Variants in ULK4 observed in about 807,000 individuals in gnomAD.
The protein encoded by ULK4 is inactive serine/threonine-protein kinase ULK4.
A neutral mutation model predicts 160.6 loss-of-function variants in ULK4; 133 were observed. The observed-to-expected ratio is 0.83, with a 90% CI of 0.72 to 0.96. The LOEUF (loss-of-function observed/expected upper bound fraction) is 0.96, where lower values mean the gene tolerates loss of function less well. Ranked by LOEUF, ULK4 falls within the 40% of genes least tolerant of loss-of-function variation. ULK4 has a pLI of 0.00. For synonymous variants in ULK4, 534 were observed against 539.8 expected (o/e 0.99, Z 0.15); for missense variants, 1,580 against 1,499.5 (o/e 1.05, Z -0.89).
intron 17 of ULK4, among the ~76,000 whole-genome samples, chr3:41,864,256 TATGTTCTCCCTCCCCCAGTGCCCAGAG>T (rs2042567450): frequency 6.6e-6 from 1 of 152,130 alleles, no homozygotes; most frequent in East Asian, 1.9e-4. Context: ...TCACAATTGC[TATGTTCTCCCTCCCCCAGTGCCCAGAG>T]ATGTTCTCCA....
At chr3:41,518,693 T>A (rs549215228) in intron 32 of ULK4, among the ~76,000 whole-genome samples, 95 of 152,288 alleles carry the variant, frequency 6.2e-4, no homozygotes, top group Non-Finnish European at 1.1e-3. Context: ...AGAGAAGGCG[T>A]TAGAGATACT....
intron 35 of ULK4, among the ~76,000 whole-genome samples, chr3:41,380,906 G>A (rs368254655): frequency 6.6e-6 from 1 of 152,066 alleles, no homozygotes; most frequent in Non-Finnish European, 1.5e-5. Flanking sequence ...CTTTTCCCGC[G>A]TGATATGCTC....
chr3:41,681,589 T>C lies in ULK4; in HGVS notation c.2897A>G (p.Glu966Gly). 6.2e-7 allele frequency: 1 copy of C among 1,613,552 alleles called. No homozygotes were observed. Among genetic ancestry groups the C allele is most frequent in the East Asian group, 2.2e-5 (1 of 44,838 alleles). ...GGCCTTCTCCTTGCCATCCCCAAACTCCTGGTTCACGAGTAGAGATGTGGT... is the reference window on the plus strand; with the variant it reads ...GGCCTTCTCCTTGCCATCCCCAAACCCCTGGTTCACGAGTAGAGATGTGGT... ...SETTSLLVNQ[E>G]FGDGKEKASV... Residue 966 changes from glutamate to glycine, a missense_variant, in exon 29 of 37, where the codon GAG becomes GGG. Glu to Gly is a moderately conservative substitution (Grantham distance 98, BLOSUM62 -2). Coordinates refer to ENST00000301831, the MANE Select transcript of ULK4 (RefSeq NM_017886.4).
intron 36 of ULK4, 72 bp downstream of exon 36, chr3:41,249,417 A>G: frequency 7.3e-7 from 1 of 1,363,716 alleles, no homozygotes; most frequent in South Asian, 1.3e-5. Context: ...GAGTGGGAGG[A>G]GTGGAGAAAG....
At chr3:41,794,194 A>G (rs2040226931) in intron 20 of ULK4, among the ~76,000 whole-genome samples, 1 of 152,210 alleles carries the variant, frequency 6.6e-6, no homozygotes, top group African/African-American at 2.4e-5. Flanking sequence ...CAGGCAGGAA[A>G]TACAGACAGT....
chr3:41,733,238 T>C (rs2037896281), intron 22 of ULK4, among the ~76,000 whole-genome samples: 1 of 152,298 alleles, frequency 6.6e-6, no homozygotes, highest in South Asian at 2.1e-4. Context: ...ACAATTATTA[T>C]GTGTCAAGTA....
chr3:41,841,882 G>GT (rs2041937402), intron 17 of ULK4, among the ~76,000 whole-genome samples: 1 of 152,086 alleles, frequency 6.6e-6, no homozygotes, highest in Non-Finnish European at 1.5e-5. Context: ...TCAACTCAGG[G>GT]TTAAATGGAT....
At chr3:41,575,683 G>A (rs1238147689) in intron 31 of ULK4, among the ~76,000 whole-genome samples, 1 of 152,242 alleles carries the variant, frequency 6.6e-6, no homozygotes, top group Non-Finnish European at 1.5e-5. Flanking sequence ...AGCTGGCACA[G>A]AAGGGAGTAT....
At chr3:41,394,411 T>C (rs1413879009) in intron 35 of ULK4, among the ~76,000 whole-genome samples, 1 of 152,134 alleles carries the variant, frequency 6.6e-6, no homozygotes, top group Non-Finnish European at 1.5e-5. Flanking sequence ...CCCATCATAA[T>C]GTAAGTCGAA....
chr3:41,713,444 G>A (rs1239004772), intron 25 of ULK4, among the ~76,000 whole-genome samples: 1 of 152,136 alleles, frequency 6.6e-6, no homozygotes, highest in Non-Finnish European at 1.5e-5. Flanking sequence ...TTAACACTGA[G>A]TATACAAAAG....
rs367612379 is a variant in ULK4 at position 41,800,168 on chromosome 3, G to A, written c.1974C>T (p.His658=). The A allele has an allele frequency of 2.7e-5, 44 of 1,613,274 alleles. No individual in the cohort carries two copies. Among genetic ancestry groups the A allele is most frequent in the Non-Finnish European group, 3.7e-5 (44 of 1,179,772 alleles). ...TTATCCTAAGAGAATCAGCAGTGGA[G>A]TGTCTGAATAGGTACCACAAAATGG... is the stretch of plus-strand genomic sequence containing the variant. The part of the protein sequence containing the change: ...IGPILWYLFR[H]STADSLRITA... The change falls in exon 20 of 37, where the codon CAC becomes CAT. Residue 658 remains histidine, a synonymous_variant. Transcript: ENST00000301831.
At position 41,492,301 on chromosome 3, in the gene ULK4, C is replaced by T. The variant is rs1230239741; in HGVS notation, c.3227-29048G>A. Among the ~76,000 whole-genome samples the T allele has an allele frequency of 4.6e-5, 7 of 152,230 alleles. No individual in the cohort carries two copies. In the East Asian group the frequency reaches 5.8e-4, roughly 13 times the overall value. Reference sequence around the variant, plus strand: ...CTCTAGTTCTAGATCCCTGAGGAATCGCCACACTGACTTCCACAATGGTTG... The same window carrying T: ...CTCTAGTTCTAGATCCCTGAGGAATTGCCACACTGACTTCCACAATGGTTG... On this transcript the variant is annotated intron_variant, in intron 32 of 36. Transcript: ENST00000301831.
intron 18 of ULK4, among the ~76,000 whole-genome samples, chr3:41,828,092 T>C (rs2041431962): frequency 6.9e-6 from 1 of 145,526 alleles, no homozygotes; most frequent in Non-Finnish European, 1.5e-5. Context: ...TTTGACAAAA[T>C]TCAACAGCCC....
At chr3:41,632,737 A>C (rs80169697) in intron 30 of ULK4, among the ~76,000 whole-genome samples, 2 of 65,022 alleles carry the variant, frequency 3.1e-5, no homozygotes, top group African/African-American at 1.6e-4. Context: ...GATTCTAACA[A>C]AAAAAAAAAA....
At position 41,431,547 on chromosome 3, in the gene ULK4, C is replaced by CTTTTTTTTTTTTTT. The variant is rs1553664758; in HGVS notation, c.3492+23936_3492+23949dup. 2.9e-3 allele frequency among the ~76,000 whole-genome samples: 280 copies of CTTTTTTTTTTTTTT among 95,110 alleles called. 1 individual carries two copies. The highest frequency in any genetic ancestry group is 3.7e-3 in the African/African-American group (88 of 23,482). The allele number at this position is 95,110 out of a possible 152,430, so 62.4% of individuals were successfully genotyped here. ...CCTGTGAGGTGTTGTAATTCCCTCC[C>CTTTTTTTTTTTTTT]TTTTTTTTTTTTTTTGATGTGGAAA... On this transcript the variant is annotated intron_variant, in intron 34 of 36. Coordinates refer to ENST00000301831, the MANE Select transcript of ULK4 (RefSeq NM_017886.4).
At chr3:41,902,564 C>T (rs1559639387) in intron 12 of ULK4, among the ~76,000 whole-genome samples, 1 of 131,036 alleles carries the variant, frequency 7.6e-6, no homozygotes, top group African/African-American at 2.9e-5. Context: ...GGTGACAAAG[C>T]GAGACTCCAC....
In ULK4 at chr3:41,954,789, A is replaced by G. The variant is rs754144915; in HGVS notation, c.-30T>C. On this transcript the variant is annotated 5_prime_UTR_variant, in exon 2 of 37. Transcript: ENST00000301831. ...GGGCCGACTTCTCACATACAATAGAATAACAGCATCTCTAGCTCCTAAGAA... is the reference window on the plus strand; with the variant it reads ...GGGCCGACTTCTCACATACAATAGAGTAACAGCATCTCTAGCTCCTAAGAA... 6.3e-6 allele frequency: 10 copies of G among 1,588,098 alleles called. No homozygotes were observed. The Admixed American group carries it at 7.3e-5, about 12-fold the overall frequency.
intron 35 of ULK4, among the ~76,000 whole-genome samples, chr3:41,266,397 CATTT>C (rs1393827709): frequency 6.6e-6 from 1 of 152,164 alleles, no homozygotes; most frequent in Non-Finnish European, 1.5e-5. Flanking sequence ...TCTGCTTACA[CATTT>C]TTTTGCAGAG....
rs866197382 is a variant in ULK4, at chr3:41,832,373, C to G, written c.1764+3491G>C. Among the ~76,000 whole-genome samples, 4 of 152,052 alleles carry G rather than the reference C, an allele frequency of 2.6e-5. 1 individual carries two copies. Among genetic ancestry groups the G allele is most frequent in the Non-Finnish European group, 2.9e-5 (2 of 68,026 alleles). On this transcript the variant is annotated intron_variant, in intron 18 of 36. Coordinates refer to ENST00000301831, the MANE Select transcript of ULK4 (RefSeq NM_017886.4). ...AATGTCTGTTCATATCCTTTGCCCACGTTTTTATGGGTTGTTTGCTTTCTC... is the reference window on the plus strand; with the variant it reads ...AATGTCTGTTCATATCCTTTGCCCAGGTTTTTATGGGTTGTTTGCTTTCTC...
Sources: gnomAD v4.1 joint callset for allele counts (sites outside exome capture counted in the v4.1 genomes callset) on GRCh38, gnomAD v4.1.1 for gene constraint, MANE v1.5 for transcripts, NCBI Gene and HGNC (gene_info 2026-07-23, HGNC 2026-07-21) for gene names.